The following SLCO4A1 variants were observed in gnomAD, a reference collection of about 807,000 sequenced individuals.
SLCO4A1 encodes solute carrier organic anion transporter family member 4A1.
SLCO4A1 carries 51 observed loss-of-function variants against 64.6 expected under a neutral mutation model. The ratio of observed to expected loss-of-function variants is 0.79; its 90% confidence interval spans 0.63 to 1.00. The LOEUF is 1.00. Among genes scored for constraint, SLCO4A1 ranks in the 50% least tolerant of loss-of-function variants. The pLI is 0.00. For synonymous variants in SLCO4A1, 471 were observed against 444.9 expected, an observed-to-expected ratio of 1.06 and a Z score of -0.74; for missense variants, 919 against 980.5, an observed-to-expected ratio of 0.94 and a Z score of 0.84.
At chr20:62,654,110 C>T (rs1161528354) in intron 1 of SLCO4A1, among the ~76,000 whole-genome samples, 1 of 152,136 alleles carries the variant, frequency 6.6e-6, no homozygotes. Flanking sequence ...GGCTGTGCTC[C>T]CCCTGGGGCT....
chr20:62,660,351 T>C (rs959813997), intron 3 of SLCO4A1, 61 bp from the exon 4 acceptor site: 9 of 1,570,674 alleles, frequency 5.7e-6, no homozygotes, highest in Non-Finnish European at 7.7e-6. Flanking sequence ...CCCCAGTGTG[T>C]GTGCCATGGA....
chr20:62,654,526 G>A (rs1282649165), intron 1 of SLCO4A1, among the ~76,000 whole-genome samples: 2 of 152,224 alleles, frequency 1.3e-5, no homozygotes, highest in South Asian at 2.1e-4. Context: ...GCATCTCTGC[G>A]CGTCGCCGGC....
At chr20:62,687,056 A>G (rs966039751), downstream of SLCO4A1, among the ~76,000 whole-genome samples, 5 of 147,158 alleles carry the variant, frequency 3.4e-5, no homozygotes, top group Non-Finnish European at 6.0e-5. Context: ...GCAATGGGAA[A>G]GGGCACCCCC....
Position 62,661,546 on chromosome 20 carries a change from C to G in SLCO4A1, c.1121+371C>G, listed in dbSNP as rs541368223. Among the ~76,000 whole-genome samples the G allele has an allele frequency of 6.6e-6, 1 of 152,078 alleles. No homozygotes were observed. The highest frequency in any genetic ancestry group is 1.5e-5 in the Non-Finnish European group (1 of 68,000). ...CCCGTGGCCTGTGTGTCCCGGGGTC[C>G]CCAGGGAAGCTGCATTTGACTTGAG... On this transcript the variant is annotated intron_variant, in intron 5 of 11. Coordinates refer to ENST00000217159, the MANE Select transcript of SLCO4A1 (RefSeq NM_016354.4). The surrounding 1 kb of genome is among the most constrained non-coding windows in gnomAD (Gnocchi z 5.2).
At chr20:62,663,949 C>G (rs1044172288) in intron 5 of SLCO4A1, among the ~76,000 whole-genome samples, 1 of 152,190 alleles carries the variant, frequency 6.6e-6, no homozygotes, top group Admixed American at 6.5e-5. Flanking sequence ...GTTAGCCCTG[C>G]TCAGGCCTCC....
intron 2 of SLCO4A1, among the ~76,000 whole-genome samples, chr20:62,678,195 A>G (rs1214940233): frequency 6.6e-6 from 1 of 152,254 alleles, no homozygotes; most frequent in Non-Finnish European, 1.5e-5. Context: ...AAACGCCAGC[A>G]GGCTTTATTG....
At chr20:62,676,057 C>T (rs189456514), downstream of SLCO4A1, among the ~76,000 whole-genome samples, 73 of 152,358 alleles carry the variant, frequency 4.8e-4, no homozygotes, top group Non-Finnish European at 8.8e-4. Flanking sequence ...CCAGGAGCAG[C>T]TGGAAACGTC....
rs141088861 is a variant in SLCO4A1 at position 62,666,568 on chromosome 20, G to A, written c.1465G>A (p.Gly489Ser). The change falls in exon 7 of 12, where the codon GGC (glycine) becomes AGC (serine). Residue 489 changes from glycine (G) to serine (S), a missense_variant. Physicochemically the swap from Gly to Ser is moderately conservative, Grantham distance 56. Coordinates refer to ENST00000217159, the MANE Select transcript of SLCO4A1 (RefSeq NM_016354.4). Reference sequence around the variant, plus strand: ...CATGGCGGGCGTCACAGCCAGCTACGGCGGGAGGTGAGGGCCAGATGGCAC... The same window carrying A: ...CATGGCGGGCGTCACAGCCAGCTACAGCGGGAGGTGAGGGCCAGATGGCAC... ...VPMAGVTASY[G>S]GSLLPEGHLN... 7.3e-5 allele frequency: 118 copies of A among 1,612,144 alleles called. No individual in the cohort carries two copies. In the African/African-American group the frequency reaches 1.1e-3, roughly 15 times the overall value.
Position 62,661,350 on chromosome 20 carries a change from C to T in SLCO4A1, c.1121+175C>T, listed in dbSNP as rs542003946. On this transcript the variant is annotated intron_variant, in intron 5 of 11. Coordinates refer to ENST00000217159, the MANE Select transcript of SLCO4A1 (RefSeq NM_016354.4). The surrounding 1 kb of genome is among the most constrained non-coding windows in gnomAD (Gnocchi z 5.2). Reference sequence around the variant, plus strand: ...CAGATAGAGCCTCTGGGCCAGGGGCCGCAGACCCCGCCTCAGGGCTGCAGA... The same window carrying T: ...CAGATAGAGCCTCTGGGCCAGGGGCTGCAGACCCCGCCTCAGGGCTGCAGA... Among the ~76,000 whole-genome samples the T allele has an allele frequency of 4.6e-5, 7 of 152,226 alleles. No individual in the cohort carries two copies. The highest frequency in any genetic ancestry group is 3.9e-4 in the East Asian group (2 of 5,164).
rs909627322 is a variant in SLCO4A1 at position 62,680,221 on chromosome 20, C to G, written n.212-5220C>G. On this transcript the variant is annotated intron_variant and non_coding_transcript_variant, in intron 2 of 2. Transcript: ENST00000466818. ...ATGACGGTTGAGTCCCGTGTGCTGA[C>G]CCTGTGTCATGAAACCTGCTAGGCC... is the stretch of plus-strand genomic sequence containing the variant. 2.0e-5 allele frequency among the ~76,000 whole-genome samples: 3 copies of G among 152,344 alleles called. No homozygotes were observed. The East Asian group carries it at 5.8e-4, about 29-fold the overall frequency.
At position 62,672,124 on chromosome 20, in the gene SLCO4A1, C is replaced by T. The variant is rs1487032728; in HGVS notation, c.*231C>T. On this transcript the variant is annotated 3_prime_UTR_variant, in exon 12 of 12. Coordinates refer to ENST00000217159, the MANE Select transcript of SLCO4A1 (RefSeq NM_016354.4). ...TATGGACACACAGTTTGCATCAGAA[C>T]GTGTTTATAGAATGTGTTTTATACC... The T allele has an allele frequency of 8.4e-6, 12 of 1,420,288 alleles. No homozygotes were observed. Among genetic ancestry groups the T allele is most frequent in the African/African-American group, 2.9e-5 (2 of 69,672 alleles). The allele number at this position is 1,420,288 out of a possible 1,614,324, so 88.0% of individuals were successfully genotyped here.
At chr20:62,676,311 T>C (rs920759328), downstream of SLCO4A1, among the ~76,000 whole-genome samples, 1 of 152,000 alleles carries the variant, frequency 6.6e-6, no homozygotes, top group Non-Finnish European at 1.5e-5. Flanking sequence ...TCCCAGCTAC[T>C]TGGGAGGCTG....
Position 62,671,857 on chromosome 20 carries a change from C to G in SLCO4A1, c.2133C>G (p.Asp711Glu). The G allele has an allele frequency of 1.9e-6, 3 of 1,613,290 alleles. No individual in the cohort carries two copies. In the South Asian group the frequency reaches 3.3e-5, roughly 18 times the overall value. ...TGCCCAGCCAGTCCTCAGCCCCTGA[C>G]AGTGCCACAGATAGCCAGCTCCAGA... ...TCLPSQSSAPDSATDSQLQSS... is the reference protein window; with the variant it reads ...TCLPSQSSAPESATDSQLQSS... The change falls in exon 12 of 12, where the codon GAC (aspartate) becomes GAG (glutamate). Residue 711 changes from aspartate (D) to glutamate (E), a missense_variant. By Grantham distance (45) the Asp-to-Glu change is conservative. Transcript: ENST00000217159.
In SLCO4A1 at chr20:62,658,764, G is replaced by T; in HGVS notation, c.884G>T (p.Arg295Leu). ...CTGAATATCTACACGGAAATGGGCC[G>T]ACGGTGAGTGGCCGCGCACCCAGCT... ...ALLNIYTEMG[R>L]RTELTTESPL... The change falls in exon 3 of 12, where the codon CGA becomes CTA. Residue 295 changes from arginine (R) to leucine (L), a missense_variant. Coordinates refer to ENST00000217159, the MANE Select transcript of SLCO4A1 (RefSeq NM_016354.4). 6.2e-7 allele frequency: 1 copy of T among 1,605,982 alleles called. No individual in the cohort carries two copies. The highest frequency in any genetic ancestry group is 8.5e-7 in the Non-Finnish European group (1 of 1,176,462).
intron 1 of SLCO4A1, chr20:62,643,027 T>A: frequency 2.1e-6 from 1 of 469,736 alleles, no homozygotes; most frequent in South Asian, 1.5e-5. Context: ...CGGCGGCCGC[T>A]GCTGCCGAGT....
chr20:62,666,259 C>A, intron 6 of SLCO4A1, 121 bp from the exon 7 acceptor site: 1 of 773,112 alleles, frequency 1.3e-6, no homozygotes, highest in South Asian at 1.6e-5. Context: ...GCCATGCAGG[C>A]AGGAATTGAT....
chr20:62,656,757 GC>G lies in SLCO4A1; in HGVS notation c.306del (p.Lys103ArgfsTer16). The G allele has an allele frequency of 6.2e-7, 1 of 1,612,592 alleles. No individual in the cohort carries two copies. The highest frequency in any genetic ancestry group is 1.1e-5 in the South Asian group (1 of 91,054). The stretch of plus-strand genomic sequence containing the variant: ...CGCCGTGCCTGCAGGTCCTCAACAC[GC>G]CCAAGGGCATCCTGTTCTTCCTGTG... ...APPCLQVLNTPKGILFFLCAA... is the reference protein window; with the variant it reads ...APPCLQVLNTXKGILFFLCAA... On this transcript the variant is annotated frameshift_variant, in exon 2 of 12. Coordinates refer to ENST00000217159, the MANE Select transcript of SLCO4A1 (RefSeq NM_016354.4). LOFTEE classifies it high-confidence loss of function.
intron 2 of SLCO4A1, among the ~76,000 whole-genome samples, chr20:62,680,015 C>T (rs373320335): frequency 2.0e-5 from 3 of 152,200 alleles, no homozygotes; most frequent in Admixed American, 6.5e-5. Flanking sequence ...CCCCAGGAAT[C>T]CCCCAGGAGA....
At chr20:62,666,121 C>CCCCTGCCCCTT in intron 6 of SLCO4A1, 1 of 37,156 alleles carries the variant, frequency 2.7e-5, no homozygotes, top group African/African-American at 9.1e-5. Flanking sequence ...CCCCCCCGCT[C>CCCCTGCCCCTT]CCCCTTCCCC....
Sources: gnomAD v4.1 joint callset for allele counts (sites outside exome capture counted in the v4.1 genomes callset) on GRCh38, gnomAD v4.1.1 for gene constraint, Gnocchi (gnomAD v3.1) non-coding constraint, MANE v1.5 for transcripts, NCBI Gene and HGNC (gene_info 2026-07-23, HGNC 2026-07-21) for gene names.